The following CAST variants were observed in gnomAD, a reference collection of about 807,000 sequenced individuals.
The protein encoded by CAST is MIR583 host.
In CAST, 76 loss-of-function variants were observed where a neutral mutation model predicts 119.6. That is an observed-to-expected ratio of 0.64 (90% CI 0.53 to 0.77). The LOEUF (loss-of-function observed/expected upper bound fraction) is 0.77. CAST is among the 30% of genes least tolerant of loss of function. The pLI is 0.00. For synonymous variants in CAST, 319 were observed against 331.6 expected (o/e 0.96, Z 0.41); for missense variants, 953 against 946.5 (o/e 1.01, Z -0.09).
chr5:96,337,864 A>G, the CAST span, among the ~76,000 whole-genome samples: 1 of 152,238 alleles, frequency 6.6e-6, no homozygotes, highest in Non-Finnish European at 1.5e-5. Context: ...TCCTCTGGGC[A>G]TTAGCAAAGA....
At chr5:96,174,484 T>A in the CAST span, among the ~76,000 whole-genome samples, 2 of 152,198 alleles carry the variant, frequency 1.3e-5, no homozygotes, top group Admixed American at 1.3e-4. Flanking sequence ...GGAAGGAAAG[T>A]CCAGTCAGAA....
chr5:96,384,718 G>A, the CAST span, among the ~76,000 whole-genome samples: 1 of 152,214 alleles, frequency 6.6e-6, no homozygotes, highest in African/African-American at 2.4e-5. Context: ...TTGACAGGAT[G>A]TAGTTGGCTA....
chr5:96,613,277 A>G (rs1308756780), intron 1 of CAST, among the ~76,000 whole-genome samples: 1 of 152,210 alleles, frequency 6.6e-6, no homozygotes, highest in African/African-American at 2.4e-5. Flanking sequence ...ATGGATTTGA[A>G]GATGAATGAC....
chr5:96,532,074 A>G (rs554254313), intron 1 of CAST, among the ~76,000 whole-genome samples: 1 of 152,246 alleles, frequency 6.6e-6, no homozygotes, highest in African/African-American at 2.4e-5. Flanking sequence ...GCAACAAAGC[A>G]AGACCTCCCC....
the CAST span, among the ~76,000 whole-genome samples, chr5:96,224,486 T>A: frequency 1.3e-5 from 2 of 152,014 alleles, no homozygotes; most frequent in South Asian, 4.2e-4. Context: ...TCTTTAAGAG[T>A]GAGGCAGAGG....
At chr5:95,979,419 A>G in the CAST span, among the ~76,000 whole-genome samples, 28 of 152,186 alleles carry the variant, frequency 1.8e-4, no homozygotes, top group Non-Finnish European at 3.7e-4. Context: ...TAACATTATC[A>G]GTTCAGGATA....
At chr5:96,363,559 T>C in the CAST span, among the ~76,000 whole-genome samples, 3,228 of 152,262 alleles carry the variant, frequency 0.021, 108 homozygotes, top group African/African-American at 0.073. Context: ...ACATCCCTTG[T>C]AAGTTGGATT....
At chr5:96,002,837 C>T in the CAST span, among the ~76,000 whole-genome samples, 56 of 152,348 alleles carry the variant, frequency 3.7e-4, no homozygotes, top group African/African-American at 1.3e-3. Flanking sequence ...GTTTTTGAAA[C>T]AATCTCAAAT....
the CAST span, among the ~76,000 whole-genome samples, chr5:96,294,031 A>C: frequency 6.6e-6 from 1 of 152,164 alleles, no homozygotes; most frequent in Non-Finnish European, 1.5e-5. Flanking sequence ...AAGTGCTGGG[A>C]TTACAGGCAT....
the CAST span, among the ~76,000 whole-genome samples, chr5:96,383,622 A>T: frequency 1.4e-4 from 22 of 152,044 alleles, no homozygotes; most frequent in African/African-American, 4.8e-4. Context: ...ATTTTTTTGT[A>T]TTTTTAGTAG....
chr5:96,709,138 G>A (rs1755600022), intron 3 of CAST, among the ~76,000 whole-genome samples: 1 of 152,224 alleles, frequency 6.6e-6, no homozygotes, highest in African/African-American at 2.4e-5. Flanking sequence ...CACAAGTTTG[G>A]AATTTATTTT....
At chr5:96,477,186 A>G in the CAST span, among the ~76,000 whole-genome samples, 1 of 151,290 alleles carries the variant, frequency 6.6e-6, no homozygotes, top group East Asian at 1.9e-4. Flanking sequence ...TCTGCTGATA[A>G]CTTGCAGGGC....
the CAST span, among the ~76,000 whole-genome samples, chr5:96,427,136 T>G: frequency 6.6e-6 from 1 of 152,204 alleles, no homozygotes; most frequent in African/African-American, 2.4e-5. Flanking sequence ...GATAGACTGT[T>G]GCTGCATTTC....
At chr5:96,428,930 G>A in the CAST span, among the ~76,000 whole-genome samples, 4 of 152,010 alleles carry the variant, frequency 2.6e-5, no homozygotes, top group African/African-American at 7.2e-5. Context: ...GACTGAATTT[G>A]TGAGTGTACA....
At chr5:96,271,446 A>G in the CAST span, among the ~76,000 whole-genome samples, 182 of 152,298 alleles carry the variant, frequency 1.2e-3, no homozygotes, top group African/African-American at 4.3e-3. Flanking sequence ...ATATAAATCC[A>G]TGCATTTACA....
Position 96,596,278 on chromosome 5 carries a change from C to CT in CAST, c.60+66399dup, listed in dbSNP as rs533572112. On this transcript the variant is annotated intron_variant, in intron 1 of 11. Coordinates refer to the CAST transcript ENST00000505143. ...CAGAGCCAGAGGAGAAGACTGACTC[C>CT]TGAAGATGAAACCAGAGGCTGGAGC... 2.2e-4 allele frequency among the ~76,000 whole-genome samples: 34 copies of CT among 152,202 alleles called. 1 individual carries two copies. In the East Asian group the frequency reaches 6.2e-3, roughly 28 times the overall value.
At chr5:96,060,425 A>G in the CAST span, among the ~76,000 whole-genome samples, 1 of 152,166 alleles carries the variant, frequency 6.6e-6, no homozygotes, top group African/African-American at 2.4e-5. Context: ...TCACAATAGT[A>G]GAGTTTCCTG....
intron 29 of CAST, chr5:96,769,544 G>A (rs1217047884): frequency 2.0e-5 from 3 of 151,870 alleles, no homozygotes; most frequent in African/African-American, 7.3e-5. Context: ...GGTTACTGTA[G>A]GGAAGCAGAT....
chr5:96,591,913 T>C (rs1034247799), intron 1 of CAST, among the ~76,000 whole-genome samples: 3 of 152,136 alleles, frequency 2.0e-5, no homozygotes, highest in African/African-American at 7.2e-5. Flanking sequence ...TAGCTCATAA[T>C]AAAGAAGTCA....
Sources: gnomAD v4.1 joint callset for allele counts (sites outside exome capture counted in the v4.1 genomes callset) on GRCh38, gnomAD v4.1.1 for gene constraint, MANE v1.5 for transcripts, NCBI Gene and HGNC (gene_info 2026-07-23, HGNC 2026-07-21) for gene names.